Variants in PTBP2 observed in about 807,000 individuals in gnomAD.
The protein encoded by PTBP2 is polypyrimidine tract-binding protein 2.
In PTBP2, 13 loss-of-function variants were observed where a neutral mutation model predicts 61.4. That is an observed-to-expected ratio of 0.21 (90% CI 0.14 to 0.34). The LOEUF (loss-of-function observed/expected upper bound fraction) is 0.34, where lower values mean the gene tolerates loss of function less well. PTBP2 is among the 10% of genes least tolerant of loss of function. The pLI, the probability that PTBP2 is intolerant of heterozygous loss-of-function variation, is 1.00. For missense variants in PTBP2, 405 were observed against 642.6 expected (o/e 0.63, Z 4.00); for synonymous variants, 215 against 218.5 (o/e 0.98, Z 0.14).
chr1:96,775,794 A>G (rs1657967067), intron 5 of PTBP2, among the ~76,000 whole-genome samples: 1 of 152,146 alleles, frequency 6.6e-6, no homozygotes, highest in African/African-American at 2.4e-5. Context: ...GTCATTAAAA[A>G]TGAAATCATA....
At chr1:96,751,404 A>C (rs1362196560) in intron 2 of PTBP2, 21 bp from the exon 3 acceptor site, 2 of 1,576,696 alleles carry the variant, frequency 1.3e-6, no homozygotes, top group Non-Finnish European at 1.7e-6. Flanking sequence ...GTCTTATGCT[A>C]ATTTGTTTTT....
At chr1:96,737,425 T>C (rs1652377625) in intron 2 of PTBP2, among the ~76,000 whole-genome samples, 2 of 151,978 alleles carry the variant, frequency 1.3e-5, no homozygotes, top group South Asian at 2.1e-4. Flanking sequence ...ACGCAAATAA[T>C]TGGGGAGGGG....
intron 3 of PTBP2, among the ~76,000 whole-genome samples, chr1:96,767,859 C>T (rs1453659797): frequency 1.3e-5 from 2 of 152,010 alleles, no homozygotes; most frequent in Non-Finnish European, 1.5e-5. Flanking sequence ...GTAGTTTTTT[C>T]ATATTTCTGG....
Position 96,793,134 on chromosome 1 carries a change from C to T in PTBP2, c.904+7880C>T, listed in dbSNP as rs936942330. On this transcript the variant is annotated intron_variant, in intron 8 of 13. Transcript: ENST00000674951. ...ACCTGTCCTAACTGTCCCATAACTTCGGCTTTCTCATTTCATGTGTTTTAA... is the reference window on the plus strand; with the variant it reads ...ACCTGTCCTAACTGTCCCATAACTTTGGCTTTCTCATTTCATGTGTTTTAA... Among the ~76,000 whole-genome samples, 5 of 152,232 alleles carry T rather than the reference C, an allele frequency of 3.3e-5. No individual in the cohort carries two copies. The East Asian group carries it at 5.8e-4, about 18-fold the overall frequency.
At chr1:96,764,092 T>G (rs1656375130) in intron 3 of PTBP2, among the ~76,000 whole-genome samples, 1 of 152,258 alleles carries the variant, frequency 6.6e-6, no homozygotes. Flanking sequence ...ACTGTAGAAT[T>G]GTTTCCTAAG....
chr1:96,820,013 AATATAT>A (rs762610996), downstream of PTBP2: 1 of 151,884 alleles, frequency 6.6e-6, no homozygotes, highest in Admixed American at 6.6e-5. Context: ...TTTATAGTGT[AATATAT>A]ATATAATAGC....
intron 2 of PTBP2, among the ~76,000 whole-genome samples, chr1:96,739,546 T>C (rs563904149): frequency 1.5e-4 from 22 of 151,556 alleles, no homozygotes; most frequent in African/African-American, 5.1e-4. Flanking sequence ...AGTGGAATTA[T>C]ACAGTATAGG....
chr1:96,761,517 C>T (rs187915773), intron 3 of PTBP2, among the ~76,000 whole-genome samples: 1 of 149,414 alleles, frequency 6.7e-6, no homozygotes, highest in African/African-American at 2.5e-5. Flanking sequence ...TCCAAAGATA[C>T]CAAGGTCCTG....
At chr1:96,791,229 A>G (rs983916086) in intron 8 of PTBP2, among the ~76,000 whole-genome samples, 61 of 152,230 alleles carry the variant, frequency 4.0e-4, no homozygotes, top group African/African-American at 1.4e-3. Context: ...GGGAAAAACT[A>G]CAAAGCTAGA....
intron 7 of PTBP2, among the ~76,000 whole-genome samples, chr1:96,779,418 G>A (rs1658401200): frequency 6.6e-6 from 1 of 151,996 alleles, no homozygotes; most frequent in South Asian, 2.1e-4. Context: ...AATTTGAGTG[G>A]GGATTATACT....
At chr1:96,782,601 C>T (rs796918584) in intron 7 of PTBP2, among the ~76,000 whole-genome samples, 3 of 151,986 alleles carry the variant, frequency 2.0e-5, no homozygotes, top group Admixed American at 2.0e-4. Context: ...AATAATTAGT[C>T]TGAAGTATTA....
At chr1:96,776,589 A>G (rs1658072563) in intron 5 of PTBP2, among the ~76,000 whole-genome samples, 1 of 151,934 alleles carries the variant, frequency 6.6e-6, no homozygotes, top group South Asian at 2.1e-4. Flanking sequence ...CTGTTGATAT[A>G]GATTTTTCAA....
At position 96,721,816 on chromosome 1, in the gene PTBP2, C is replaced by G. The variant is rs770422808; in HGVS notation, c.-49C>G. ...ATTTTCTCGCCGCTTGTGTGGCTCG[C>G]TGGCTGCGTGGCTCGGTTCTTGTGA... On this transcript the variant is annotated 5_prime_UTR_variant, in exon 1 of 14. Coordinates refer to ENST00000674951, the MANE Select transcript of PTBP2 (RefSeq NM_021190.4). 3.9e-6 allele frequency: 6 copies of G among 1,553,910 alleles called. No individual in the cohort carries two copies. In the South Asian group the frequency reaches 5.9e-5, roughly 15 times the overall value.
intron 3 of PTBP2, among the ~76,000 whole-genome samples, chr1:96,762,344 C>T (rs1398041763): frequency 1.6e-4 from 24 of 150,140 alleles, no homozygotes; most frequent in Non-Finnish European, 2.4e-4. Flanking sequence ...TAGGGGCAGC[C>T]GGGCAGAGGC....
intron 2 of PTBP2, among the ~76,000 whole-genome samples, chr1:96,746,880 TC>T (rs1394257024): frequency 5.9e-5 from 2 of 33,622 alleles, no homozygotes; most frequent in African/African-American, 1.7e-4. Context: ...TGTCCCTCCC[TC>T]CCTCCCTCCC....
chr1:96,743,297 A>G (rs1240603807), intron 2 of PTBP2, among the ~76,000 whole-genome samples: 2 of 149,308 alleles, frequency 1.3e-5, no homozygotes, highest in African/African-American at 2.5e-5. Flanking sequence ...AAAAAATTCC[A>G]CTTTCTGGAT....
At chr1:96,763,623 A>C (rs896473889) in intron 3 of PTBP2, among the ~76,000 whole-genome samples, 2 of 9,316 alleles carry the variant, frequency 2.1e-4, no homozygotes, top group Admixed American at 1.3e-3. Context: ...GGGGAGGGGG[A>C]GGGGGAGGGC....
chr1:96,751,650 G>A, intron 3 of PTBP2, 150 bp downstream of exon 3: 3 of 454,002 alleles, frequency 6.6e-6, no homozygotes, highest in Non-Finnish European at 1.1e-5. Context: ...GTATATATGA[G>A]CCGAGTGGAA....
Position 96,785,185 on chromosome 1 carries a change from T to C in PTBP2, c.835T>C (p.Ser279Pro). ...SRDYTRPDLPSGDGQPALDPA... is the reference protein window; with the variant it reads ...SRDYTRPDLPPGDGQPALDPA... ...GGATTATACTCGACCTGATCTTCCA[T>C]CTGGGGATGGACAACCTGCATTGGA... is the stretch of plus-strand genomic sequence containing the variant. Residue 279 changes from serine (S) to proline (P), a missense_variant, in exon 8 of 14, where the codon TCT becomes CCT. This residue lies in a region of PTBP2 where 342 missense variants were observed against 491.2 expected (regional missense o/e 0.70). Transcript: ENST00000674951. 6.2e-7 allele frequency: 1 copy of C among 1,611,590 alleles called. No individual in the cohort carries two copies.
Sources: allele counts gnomAD v4.1 joint callset (sites outside exome capture counted in the v4.1 genomes callset), GRCh38; gene constraint gnomAD v4.1.1; regional missense constraint gnomAD v4.1.1; transcripts MANE v1.5; gene names NCBI Gene and HGNC (gene_info 2026-07-23, HGNC 2026-07-21).